The following CCDC85C variants were observed in gnomAD, a reference collection of about 807,000 sequenced individuals.
CCDC85C encodes the protein coiled-coil domain containing 85C.
In CCDC85C, 18 loss-of-function variants were observed where a neutral mutation model predicts 38.3. That is an observed-to-expected ratio of 0.47 (90% CI 0.33 to 0.70). CCDC85C has a LOEUF of 0.70. Among genes scored for constraint, CCDC85C ranks in the 30% least tolerant of loss-of-function variants. CCDC85C has a pLI of 0.03. For missense variants in CCDC85C, 566 were observed against 621.2 expected (o/e 0.91, Z 0.94); for synonymous variants, 264 against 293.8 (o/e 0.90, Z 1.04).
chr14:99,598,672 G>A (rs1284566273), intron 1 of CCDC85C, among the ~76,000 whole-genome samples: 1 of 152,178 alleles, frequency 6.6e-6, no homozygotes, highest in African/African-American at 2.4e-5. Flanking sequence ...CAGGGCCATG[G>A]GCTCAGAATT....
chr14:99,562,365 C>T (rs965022525), intron 1 of CCDC85C, among the ~76,000 whole-genome samples: 1 of 152,202 alleles, frequency 6.6e-6, no homozygotes, highest in African/African-American at 2.4e-5. Flanking sequence ...AAGCCCTAAC[C>T]AAGTGCCACA....
chr14:99,522,511 AAGAAGAGCCAGTG>A, intron 2 of CCDC85C: 18 of 308,086 alleles, frequency 5.8e-5, no homozygotes, highest in South Asian at 1.8e-4. Context: ...TGAATGAATG[AAGAAGAGCCAGTG>A]AGAGCGAGTG....
At chr14:99,584,897 TG>T (rs1424205552) in intron 1 of CCDC85C, among the ~76,000 whole-genome samples, 2 of 152,192 alleles carry the variant, frequency 1.3e-5, no homozygotes, top group Admixed American at 1.3e-4. Context: ...GAGACAAGCC[TG>T]GGCAACACAG....
At chr14:99,515,793 C>T (rs112113330) in intron 5 of CCDC85C, among the ~76,000 whole-genome samples, 9 of 152,238 alleles carry the variant, frequency 5.9e-5, no homozygotes, top group African/African-American at 2.2e-4. Context: ...CCTGGACCTC[C>T]TGCTCTGAGC....
At chr14:99,551,669 G>GGTGTGCAGGTGGGTGAGAGGTGA (rs1897912901) in intron 1 of CCDC85C, among the ~76,000 whole-genome samples, 10 of 147,814 alleles carry the variant, frequency 6.8e-5, no homozygotes, top group Admixed American at 6.7e-4. Context: ...GTGAGAGGTG[G>GGTGTGCAGGTGGGTGAGAGGTGA]GTGTGCAGGT....
intron 1 of CCDC85C, among the ~76,000 whole-genome samples, chr14:99,596,507 C>T (rs146087178): frequency 6.6e-6 from 1 of 152,346 alleles, no homozygotes; most frequent in Non-Finnish European, 1.5e-5. Flanking sequence ...CTGCTCTGCT[C>T]CCCTCAAGAG....
chr14:99,522,295 G>C, intron 2 of CCDC85C, 55 bp from the exon 3 acceptor site: 2 of 1,352,878 alleles, frequency 1.5e-6, no homozygotes, highest in Non-Finnish European at 2.0e-6. Flanking sequence ...AGGAGGACAA[G>C]GGCCCTGGGC....
intron 1 of CCDC85C, among the ~76,000 whole-genome samples, chr14:99,554,489 G>T (rs1372873235): frequency 6.6e-6 from 1 of 152,252 alleles, no homozygotes; most frequent in African/African-American, 2.4e-5. Flanking sequence ...AGCTGTGGCA[G>T]GCGGGCAGGG....
At position 99,588,778 on chromosome 14, in the gene CCDC85C, A is replaced by G. The variant is rs1595104640; in HGVS notation, c.793+14389T>C. On this transcript the variant is annotated intron_variant, in intron 1 of 5. Coordinates refer to ENST00000380243, the MANE Select transcript of CCDC85C (RefSeq NM_001144995.2). The surrounding 1 kb of genome is among the most constrained non-coding windows in gnomAD (Gnocchi z 5.0). ...AGCAGGAATACCCAAAAAAGCCCCC[A>G]AAAGTACTGGTTCTACTAGATGGAG... Among the ~76,000 whole-genome samples, 1 of 152,136 alleles carries G rather than the reference A, an allele frequency of 6.6e-6. No individual in the cohort carries two copies. Among genetic ancestry groups the G allele is most frequent in the East Asian group, 2.0e-4 (1 of 5,124 alleles).
rs1289344203 is a variant in CCDC85C, at chr14:99,569,522, A to T, written c.794-33434T>A. On this transcript the variant is annotated intron_variant, in intron 1 of 5. Coordinates refer to ENST00000380243, the MANE Select transcript of CCDC85C (RefSeq NM_001144995.2). The surrounding 1 kb of genome is among the most constrained non-coding windows in gnomAD (Gnocchi z 4.3). ...TGGGACCAAACCCACAGCCACAAAAACCAATGCCACCTACCCAGGAAGGCT... is the reference window on the plus strand; with the variant it reads ...TGGGACCAAACCCACAGCCACAAAATCCAATGCCACCTACCCAGGAAGGCT... Among the ~76,000 whole-genome samples, 4 of 152,084 alleles carry T rather than the reference A, an allele frequency of 2.6e-5. No individual in the cohort carries two copies. The highest frequency in any genetic ancestry group is 4.8e-5 in the African/African-American group (2 of 41,392).
intron 1 of CCDC85C, among the ~76,000 whole-genome samples, chr14:99,583,807 TAAAAA>T (rs34283477): frequency 8.7e-6 from 1 of 115,154 alleles, no homozygotes; most frequent in African/African-American, 3.1e-5. Context: ...GGCTCTGTCT[TAAAAA>T]AAAAAAAAAA....
At chr14:99,589,285 A>G (rs371181103) in intron 1 of CCDC85C, among the ~76,000 whole-genome samples, 14 of 152,082 alleles carry the variant, frequency 9.2e-5, no homozygotes, top group African/African-American at 3.1e-4. Context: ...CAGACAACAG[A>G]CACAGCCAGG....
rs1897118656 is a variant in CCDC85C, at chr14:99,511,027, T to C, written c.*4219A>G. 8.6e-6 allele frequency: 3 copies of C among 348,350 alleles called. No individual in the cohort carries two copies. Among genetic ancestry groups the C allele is most frequent in the East Asian group, 4.3e-5 (1 of 23,202 alleles). The allele number at this position is 348,350 out of a possible 1,614,324, so 21.6% of individuals were successfully genotyped here. A position where few individuals can be genotyped will look rare whatever the true frequency, so the allele number is the denominator to read the frequency against. The stretch of plus-strand genomic sequence containing the variant: ...GACTGTGTACACTTGGTTCAGCTAA[T>C]GTCTGAGAGTCCTGCACTGGGTTAC... On this transcript the variant is annotated 3_prime_UTR_variant, in exon 6 of 6. Transcript: ENST00000380243.
In CCDC85C at chr14:99,503,688, T is replaced by C; in HGVS notation, c.*11558A>G. On this transcript the variant is annotated 3_prime_UTR_variant, in exon 6 of 6. Coordinates refer to ENST00000380243, the MANE Select transcript of CCDC85C (RefSeq NM_001144995.2). ...GTTTTTTTAGTTTTATGTGTTTATA[T>C]GCAAAACTTTAAATTCTTAGCCAAC... 1 of 1,475,586 alleles carries C rather than the reference T, an allele frequency of 6.8e-7. No homozygotes were observed. Among genetic ancestry groups the C allele is most frequent in the Non-Finnish European group, 9.2e-7 (1 of 1,084,032 alleles). 91.4% of individuals were successfully genotyped at this position (1,475,586 alleles called of 1,614,324 possible). A position where few individuals can be genotyped will look rare whatever the true frequency, so the allele number is the denominator to read the frequency against.
In CCDC85C at chr14:99,603,369, C is replaced by T; in HGVS notation, c.591G>A (p.Ala197=). The T allele has an allele frequency of 8.0e-7, 1 of 1,253,354 alleles. No homozygotes were observed. The allele number at this position is 1,253,354 out of a possible 1,614,324, so 77.6% of individuals were successfully genotyped here. A position where few individuals can be genotyped will look rare whatever the true frequency, so the allele number is the denominator to read the frequency against. ...SGPLSGGAPG[A]GARDVGDGSS... is the part of the protein sequence containing the mutation. ...TGCCGTCGCCCACGTCGCGGGCCCC[C>T]GCGCCGGGCGCGCCACCCGACAGCG... Residue 197 remains alanine (A), a synonymous_variant, in exon 1 of 6, where the codon GCG becomes GCA. Coordinates refer to ENST00000380243, the MANE Select transcript of CCDC85C (RefSeq NM_001144995.2). The surrounding 1 kb of genome is among the most constrained non-coding windows in gnomAD (Gnocchi z 7.5).
chr14:99,559,229 T>C (rs1898069279), intron 1 of CCDC85C, among the ~76,000 whole-genome samples: 1 of 150,144 alleles, frequency 6.7e-6, no homozygotes, highest in Non-Finnish European at 1.5e-5. Flanking sequence ...CCCGAGAGCC[T>C]CCAAAAGGAA....
At chr14:99,594,927 G>A (rs2055127515) in intron 1 of CCDC85C, among the ~76,000 whole-genome samples, 1 of 152,202 alleles carries the variant, frequency 6.6e-6, no homozygotes, top group Non-Finnish European at 1.5e-5. Context: ...TTATCAGGTG[G>A]GGAGCAGGGG....
chr14:99,537,294 A>G lies in CCDC85C; in HGVS notation c.794-1206T>C, dbSNP rs143679968. On this transcript the variant is annotated intron_variant, in intron 1 of 5. Coordinates refer to ENST00000380243, the MANE Select transcript of CCDC85C (RefSeq NM_001144995.2). ...CCCCTTTGACCACACACAGCCAGCT[A>G]TCTAGTCCCCATCACCACCTCAGGG... Among the ~76,000 whole-genome samples, 164 of 152,224 alleles carry G rather than the reference A, an allele frequency of 1.1e-3. 2 individuals carry two copies. Among genetic ancestry groups the G allele is most frequent in the Middle Eastern group, 0.01 (3 of 294 alleles).
At chr14:99,591,446 G>A (rs2055085469) in intron 1 of CCDC85C, among the ~76,000 whole-genome samples, 1 of 152,248 alleles carries the variant, frequency 6.6e-6, no homozygotes, top group South Asian at 2.1e-4. Flanking sequence ...CGGCTCCCAC[G>A]GCTCCCACGG....
Sources: allele counts gnomAD v4.1 joint callset (sites outside exome capture counted in the v4.1 genomes callset), GRCh38; gene constraint gnomAD v4.1.1; non-coding constraint Gnocchi (gnomAD v3.1); transcripts MANE v1.5; gene names NCBI Gene and HGNC (gene_info 2026-07-23, HGNC 2026-07-21).